OR51B5: variants seen among roughly 807,000 people sequenced by gnomAD.
OR51B5 encodes olfactory receptor family 51 subfamily B member 5.
For missense variants in OR51B5, 456 were observed against 374.6 expected (o/e 1.22, Z -1.79); for synonymous variants, 186 against 144.8 (o/e 1.28, Z -2.04).
In OR51B5 at chr11:5,397,275, C is replaced by G. The variant is rs371323256; in HGVS notation, n.85-50365G>C. The stretch of plus-strand genomic sequence containing the variant: ...CATCAGAGTGAACAGGCAACCTACA[C>G]AATGGGAGAAAATTTTTGCAATCTA... On this transcript the variant is annotated intron_variant and non_coding_transcript_variant, in intron 1 of 4. Coordinates refer to the OR51B5 transcript ENST00000415970. 5.6e-4 allele frequency among the ~76,000 whole-genome samples: 85 copies of G among 151,858 alleles called. 2 individuals are homozygous for G. The South Asian group carries it at 0.014, about 24-fold the overall frequency.
intron 1 of OR51B5, chr11:5,422,497 T>A: frequency 6.2e-7 from 1 of 1,614,096 alleles, no homozygotes; most frequent in Non-Finnish European, 8.5e-7. Context: ...CTGAGGCCTG[T>A]TTTGCTCAGT....
chr11:5,342,498 G>A, downstream of OR51B5: 1 of 1,460,314 alleles, frequency 6.8e-7, no homozygotes, highest in South Asian at 1.5e-5. Context: ...AGTCATATGA[G>A]CATGCATGCT....
chr11:5,432,356 C>CA (rs5789401), intron 1 of OR51B5, among the ~76,000 whole-genome samples: 9,434 of 152,204 alleles, frequency 0.062, 348 homozygotes, highest in Middle Eastern at 0.13. Flanking sequence ...AGACCTGAGC[C>CA]AAAATCCATA....
chr11:5,422,104 G>A, intron 1 of OR51B5: 2 of 958,790 alleles, frequency 2.1e-6, no homozygotes, highest in Non-Finnish European at 3.1e-6. Flanking sequence ...ATTTATTTGT[G>A]TAGAATTTGG....
chr11:5,430,900 C>T (rs1452764497), intron 1 of OR51B5: 2 of 456,998 alleles, frequency 4.4e-6, no homozygotes, highest in African/African-American at 2.0e-5. Context: ...CTTCCACCGT[C>T]CCTCTCCAGA....
intron 1 of OR51B5, among the ~76,000 whole-genome samples, chr11:5,367,987 A>G (rs1256452541): frequency 1.3e-5 from 2 of 152,196 alleles, no homozygotes; most frequent in Non-Finnish European, 2.9e-5. Context: ...TTTCACTTCT[A>G]CCAGAGTAGA....
rs772637819 is a variant in OR51B5, at chr11:5,441,310, C to T, written n.84+64259G>A. On this transcript the variant is annotated intron_variant and non_coding_transcript_variant, in intron 1 of 4. Coordinates refer to the OR51B5 transcript ENST00000415970. ...AAGGACACTCCCAGATCATTGAGAG[C>T]GAGCATAGAGAGGAAGTAGTACATG... 29 of 1,613,832 alleles carry T rather than the reference C, an allele frequency of 1.8e-5. No homozygotes were observed. The highest frequency in any genetic ancestry group is 6.7e-5 in the African/African-American group (5 of 74,982).
intron 1 of OR51B5, among the ~76,000 whole-genome samples, chr11:5,423,704 C>G (rs1325191488): frequency 6.6e-6 from 1 of 152,142 alleles, no homozygotes; most frequent in Non-Finnish European, 1.5e-5. Context: ...CTTACCTAAT[C>G]TGAATTAGGT....
chr11:5,383,648 G>A (rs1849642751), intron 1 of OR51B5, among the ~76,000 whole-genome samples: 1 of 152,182 alleles, frequency 6.6e-6, no homozygotes, highest in African/African-American at 2.4e-5. Context: ...AAAACCTGGG[G>A]ACTGAATGCT....
At chr11:5,476,617 A>G (rs866473503) in intron 1 of OR51B5, among the ~76,000 whole-genome samples, 1 of 152,202 alleles carries the variant, frequency 6.6e-6, no homozygotes, top group South Asian at 2.1e-4. Context: ...CGATAAGAGG[A>G]AGGACAAGAA....
chr11:5,472,186 A>T (rs1042587476), intron 1 of OR51B5, among the ~76,000 whole-genome samples: 1 of 152,188 alleles, frequency 6.6e-6, no homozygotes, highest in African/African-American at 2.4e-5. Context: ...AAGCCAGCAT[A>T]GTGGCAGTTC....
chr11:5,497,042 TA>T (rs199964356), intron 1 of OR51B5, among the ~76,000 whole-genome samples: 4 of 151,294 alleles, frequency 2.6e-5, no homozygotes, highest in Non-Finnish European at 4.4e-5. Context: ...AATCAATGTT[TA>T]AAAAAAAAAA....
At position 5,495,783 on chromosome 11, in the gene OR51B5, T is replaced by G. The variant is rs183112010; in HGVS notation, n.84+9786A>C. Among the ~76,000 whole-genome samples the G allele has an allele frequency of 2.7e-3, 413 of 152,262 alleles. 2 individuals carry two copies. The highest frequency in any genetic ancestry group is 9.5e-3 in the African/African-American group (396 of 41,540). ...TAGATTACATTCTCCAATCAAAACA[T>G]ATAGAGTGACTGAATGGATAAAACA... On this transcript the variant is annotated intron_variant and non_coding_transcript_variant, in intron 1 of 4. Transcript: ENST00000415970.
At chr11:5,468,601 A>G (rs992749517) in intron 1 of OR51B5, 2 of 451,648 alleles carry the variant, frequency 4.4e-6, no homozygotes, top group African/African-American at 2.0e-5. Context: ...ACTTGTGCAC[A>G]TATTCAGGAG....
rs1209244392 is a variant in OR51B5, at chr11:5,419,534, A to G, written n.85-72624T>C. On this transcript the variant is annotated intron_variant and non_coding_transcript_variant, in intron 1 of 4. Coordinates refer to the OR51B5 transcript ENST00000415970. The stretch of plus-strand genomic sequence containing the variant: ...AATATAGAATATCAATTATTTACAC[A>G]GCATTTATATTGTATCAGTCATGAT... Among the ~76,000 whole-genome samples, 4 of 152,166 alleles carry G rather than the reference A, an allele frequency of 2.6e-5. No homozygotes were observed. The East Asian group carries it at 7.7e-4, about 29-fold the overall frequency.
At chr11:5,354,589 G>A (rs2736565) in intron 1 of OR51B5, 57,906 of 155,290 alleles carry the variant, frequency 0.37, 11,180 homozygotes, top group Non-Finnish European at 0.4. Context: ...CAGTAGGGTC[G>A]AAGACCTCAC....
In OR51B5 at chr11:5,343,109, A is replaced by C. The variant is rs767734992; in HGVS notation, c.416T>G (p.Val139Gly). 11 of 1,612,896 alleles carry C rather than the reference A, an allele frequency of 6.8e-6. No individual in the cohort carries two copies. The East Asian group carries it at 2.2e-4, about 33-fold the overall frequency. ...CAGAACTCCCAGCCCAATCTTCACT[A>C]CTCGAGTATTAGTAAGTACAGAGGT... Residue 139 changes from valine to glycine, a missense_variant, in exon 1 of 1, where the codon GTA (valine) becomes GGA (glycine). Transcript: ENST00000300773.
At chr11:5,367,292 G>C (rs1849384659) in intron 1 of OR51B5, among the ~76,000 whole-genome samples, 1 of 152,082 alleles carries the variant, frequency 6.6e-6, no homozygotes, top group African/African-American at 2.4e-5. Flanking sequence ...AAAGAATTTG[G>C]GGCAAATCCA....
chr11:5,471,233 ACTGT>A (rs1367498379), intron 1 of OR51B5, among the ~76,000 whole-genome samples: 2 of 152,130 alleles, frequency 1.3e-5, no homozygotes, highest in Admixed American at 1.3e-4. Flanking sequence ...ACTCCCTGTA[ACTGT>A]CTGTGTTTCT....
Sources: gnomAD v4.1 joint callset for allele counts (sites outside exome capture counted in the v4.1 genomes callset) on GRCh38, gnomAD v4.1.1 for gene constraint, MANE v1.5 for transcripts, NCBI Gene and HGNC (gene_info 2026-07-23, HGNC 2026-07-21) for gene names.